SCG3: variants seen among roughly 807,000 people sequenced by gnomAD.
SCG3 encodes the protein secretogranin III.
Under a neutral mutation model 56.2 loss-of-function variants are expected in SCG3, and 38 were observed. The ratio of observed to expected loss-of-function variants is 0.68; its 90% CI spans 0.52 to 0.89. The LOEUF (loss-of-function observed/expected upper bound fraction) is 0.89. Ranked by LOEUF, SCG3 falls within the 40% of genes least tolerant of loss-of-function variation. SCG3 has a pLI of 0.00. For synonymous variants in SCG3, 176 were observed against 184.2 expected (o/e 0.96, Z 0.36); for missense variants, 524 against 540.7 (o/e 0.97, Z 0.31).
intron 11 of SCG3, among the ~76,000 whole-genome samples, chr15:51,716,368 G>A (rs16964482): frequency 0.22 from 33,742 of 152,136 alleles, 4,365 homozygotes; most frequent in Non-Finnish European, 0.28. Flanking sequence ...GTTCAGCTTC[G>A]TTCTCTACTT....
Position 51,701,120 on chromosome 15 carries a change from G to A in SCG3, c.1083G>A (p.Lys361=). 2.5e-6 allele frequency: 4 copies of A among 1,613,834 alleles called. No individual in the cohort carries two copies. Among genetic ancestry groups the A allele is most frequent in the Non-Finnish European group, 3.4e-6 (4 of 1,179,946 alleles). Residue 361 remains lysine, a synonymous_variant, in exon 10 of 12, where the codon AAG becomes AAA. Transcript: ENST00000220478. The part of the protein sequence containing the change: ...ISKLFPAPSE[K]SHEETDSTKE... ...ATCTGATTACAGCACCATCAGAGAA[G>A]AGTCATGAAGAAACAGACAGTACCA...
At chr15:51,684,408 C>A (rs2055215206) in intron 4 of SCG3, among the ~76,000 whole-genome samples, 1 of 152,182 alleles carries the variant, frequency 6.6e-6, no homozygotes. Context: ...GAAACCCCAT[C>A]TCTACTAAAA....
intron 10 of SCG3, among the ~76,000 whole-genome samples, chr15:51,709,709 T>TA (rs1567222350): frequency 1.4e-4 from 4 of 29,218 alleles, no homozygotes; most frequent in Non-Finnish European, 2.0e-4. Flanking sequence ...ATATTTTTTT[T>TA]TTTTTTTTTT....
rs1300417102 is a variant in SCG3 at position 51,682,501 on chromosome 15, CAT to C, written c.83-15_83-14del. On this transcript the variant is annotated splice_polypyrimidine_tract_variant and intron_variant, in intron 1 of 11. Coordinates refer to ENST00000220478, the MANE Select transcript of SCG3 (RefSeq NM_013243.4). ...CAACGCACAATTAAATTTATATTCA[CAT>C]GTGTTTATTCTAGACAAATCTCTAC... The C allele has an allele frequency of 6.0e-6, 8 of 1,343,764 alleles. No individual in the cohort carries two copies. Among genetic ancestry groups the C allele is most frequent in the African/African-American group, 3.1e-5 (2 of 65,450 alleles). The allele number at this position is 1,343,764 out of a possible 1,614,324, so 83.2% of individuals were successfully genotyped here.
At chr15:51,690,194 C>A (rs1567217183) in intron 6 of SCG3, among the ~76,000 whole-genome samples, 1 of 152,178 alleles carries the variant, frequency 6.6e-6, no homozygotes, top group Non-Finnish European at 1.5e-5. Context: ...TCCACCTGCT[C>A]CTTCCCCTTT....
chr15:51,687,541 T>G (rs1415279316), intron 4 of SCG3, among the ~76,000 whole-genome samples: 1 of 152,230 alleles, frequency 6.6e-6, no homozygotes, highest in African/African-American at 2.4e-5. Flanking sequence ...AGGGAGCATA[T>G]GAGCATGCTT....
At chr15:51,701,274 T>A in intron 10 of SCG3, 30 bp downstream of exon 10, 1 of 1,537,864 alleles carries the variant, frequency 6.5e-7, no homozygotes, top group South Asian at 1.3e-5. Context: ...AGGTTAGCAA[T>A]GAAATTGGGA....
chr15:51,683,596 C>T (rs1357806280), intron 4 of SCG3, among the ~76,000 whole-genome samples, 162 bp downstream of exon 4: 1 of 152,040 alleles, frequency 6.6e-6, no homozygotes, highest in African/African-American at 2.4e-5. Flanking sequence ...TGTAGAGCCC[C>T]AGCTCCACAG....
intron 10 of SCG3, among the ~76,000 whole-genome samples, chr15:51,705,817 C>T (rs755443567): frequency 8.5e-5 from 13 of 152,144 alleles, no homozygotes; most frequent in Admixed American, 3.9e-4. Context: ...TGAGCCACCA[C>T]GCCCAGCCTA....
intron 8 of SCG3, among the ~76,000 whole-genome samples, chr15:51,698,663 T>C (rs1353045847): frequency 2.0e-5 from 3 of 152,242 alleles, no homozygotes; most frequent in South Asian, 2.1e-4. Context: ...GTGTGAGGAA[T>C]TGACCTCATC....
intron 10 of SCG3, among the ~76,000 whole-genome samples, chr15:51,710,480 A>G (rs2055413631): frequency 6.6e-6 from 1 of 152,256 alleles, no homozygotes; most frequent in South Asian, 2.1e-4. Context: ...TGATATAGTG[A>G]ATAAAATAGC....
At chr15:51,705,224 C>T (rs2055367840) in intron 10 of SCG3, among the ~76,000 whole-genome samples, 1 of 152,156 alleles carries the variant, frequency 6.6e-6, no homozygotes, top group African/African-American at 2.4e-5. Flanking sequence ...GAGCCATAGG[C>T]TACATCCTTT....
intron 10 of SCG3, among the ~76,000 whole-genome samples, chr15:51,708,644 A>G (rs2055391110): frequency 6.6e-6 from 1 of 152,336 alleles, no homozygotes; most frequent in African/African-American, 2.4e-5. Context: ...TCACGAGGTC[A>G]GGAGATCGAG....
rs764433799 is a variant in SCG3 at position 51,699,349 on chromosome 15, C to A, written c.1016C>A (p.Thr339Asn). The change falls in exon 9 of 12, where the codon ACC becomes AAC. Residue 339 changes from threonine to asparagine, a missense_variant. Physicochemically the swap from Thr to Asn is moderately conservative, Grantham distance 65 (BLOSUM62 0). Transcript: ENST00000220478. ...TTGGATGAAATGATTGCTCTTCAGA[C>A]CAAAAACAAGCTAGAAAAAAATGCT... The part of the protein sequence containing the change: ...ENLDEMIALQ[T>N]KNKLEKNATD... 6 of 1,607,768 alleles carry A rather than the reference C, an allele frequency of 3.7e-6. No homozygotes were observed. The South Asian group carries it at 4.5e-5, about 12-fold the overall frequency.
In SCG3 at chr15:51,681,754, G is replaced by T. The variant is rs1447547859; in HGVS notation, c.-2G>T. ...GCTGTGACCCAAGCCGAGCGTGGAA[G>T]AATGGGGTTCCTCGGGACCGGCACT... On this transcript the variant is annotated 5_prime_UTR_variant, in exon 1 of 12. Transcript: ENST00000220478. 3 of 1,613,476 alleles carry T rather than the reference G, an allele frequency of 1.9e-6. No homozygotes were observed. The East Asian group carries it at 6.7e-5, about 36-fold the overall frequency.
intron 10 of SCG3, among the ~76,000 whole-genome samples, chr15:51,711,772 C>T (rs1453219400): frequency 6.6e-6 from 1 of 152,214 alleles, no homozygotes. Flanking sequence ...GAAGTTTCTA[C>T]ACCAACTATT....
chr15:51,682,883 G>T (rs1001180612), intron 2 of SCG3, among the ~76,000 whole-genome samples, 196 bp from the exon 3 acceptor site: 2 of 152,142 alleles, frequency 1.3e-5, no homozygotes, highest in Non-Finnish European at 2.9e-5. Flanking sequence ...ATAGGAGAAA[G>T]AAATTAACAC....
intron 7 of SCG3, among the ~76,000 whole-genome samples, chr15:51,694,861 T>A (rs1238326319): frequency 1.3e-5 from 2 of 151,986 alleles, no homozygotes; most frequent in African/African-American, 4.8e-5. Flanking sequence ...TGAAACCCAG[T>A]CTCTACTAAA....
At chr15:51,692,480 C>G (rs529829473) in intron 7 of SCG3, 144 bp downstream of exon 7, 31 of 664,074 alleles carry the variant, frequency 4.7e-5, no homozygotes, top group Non-Finnish European at 7.1e-5. Context: ...GGGTTCACAT[C>G]GATTTTTTTT....
Sources: allele counts gnomAD v4.1 joint callset (sites outside exome capture counted in the v4.1 genomes callset), GRCh38; gene constraint gnomAD v4.1.1; transcripts MANE v1.5; gene names NCBI Gene and HGNC (gene_info 2026-07-23, HGNC 2026-07-21).